Variants in TRIO observed in about 807,000 individuals in gnomAD.
TRIO encodes triple functional domain protein.
TRIO carries 58 observed loss-of-function variants against 351.9 expected under a neutral mutation model. That is an observed-to-expected ratio of 0.16 (90% CI 0.13 to 0.21). The LOEUF (loss-of-function observed/expected upper bound fraction) is 0.21. Among genes scored for constraint, TRIO ranks in the 10% least tolerant of loss-of-function variants. The pLI is 1.00. For missense variants in TRIO, 3,201 were observed against 4,027.8 expected, an observed-to-expected ratio of 0.79 and a Z score of 5.56; for synonymous variants, 1,758 against 1,595.7, an observed-to-expected ratio of 1.10 and a Z score of -2.42.
At chr5:14,390,360 G>C in intron 26 of TRIO, 60 bp downstream of exon 26, 1 of 1,502,330 alleles carries the variant, frequency 6.7e-7, no homozygotes, top group Non-Finnish European at 9.2e-7. Context: ...AAGGAAGTTA[G>C]GAGGGATGGT....
At chr5:14,187,608 A>AT (rs750839736) in intron 1 of TRIO, among the ~76,000 whole-genome samples, 1 of 152,298 alleles carries the variant, frequency 6.6e-6, no homozygotes. Context: ...CTGTTTGTAG[A>AT]TTTTTGAACT....
In TRIO at chr5:14,143,700, G is replaced by T; in HGVS notation, c.-26G>T. ...GCTAGGGGCGCGGGGCCCGAGGCGG[G>T]CGCGGCCGCGGGCGCCGCCGCAGCC... On this transcript the variant is annotated 5_prime_UTR_variant, in exon 1 of 57. Coordinates refer to ENST00000344204, the MANE Select transcript of TRIO (RefSeq NM_007118.4). The T allele has an allele frequency of 1.0e-6, 1 of 973,546 alleles. No homozygotes were observed. The allele number at this position is 973,546 out of a possible 1,614,324, so 60.3% of individuals were successfully genotyped here. A position where few individuals can be genotyped will look rare whatever the true frequency, so the allele number is the denominator to read the frequency against.
intron 34 of TRIO, among the ~76,000 whole-genome samples, chr5:14,443,406 T>C (rs901795144): frequency 2.0e-5 from 3 of 152,242 alleles, no homozygotes; most frequent in African/African-American, 7.2e-5. Flanking sequence ...AATGCTGTTA[T>C]ATCAGAGTGA....
At chr5:14,484,365 G>A (rs1474950040) in intron 46 of TRIO, among the ~76,000 whole-genome samples, 1 of 152,188 alleles carries the variant, frequency 6.6e-6, no homozygotes, top group East Asian at 1.9e-4. Context: ...AGAGGGGTTT[G>A]GGAAACAGGT....
Position 14,461,308 on chromosome 5 carries a change from G to A in TRIO, c.5493G>A (p.Glu1831=). The A allele has an allele frequency of 1.9e-6, 3 of 1,570,820 alleles. No homozygotes were observed. Among genetic ancestry groups the A allele is most frequent in the South Asian group, 1.2e-5 (1 of 85,322 alleles). ...CCACCCCGCAGGACGAGACGGTCGA[G>A]GAGGTGAGGCTCTGCCCGCTGGTTG... ...SAATPQDETV[E]ERGRNEGLSS... The change falls in exon 35 of 57, where the codon GAG becomes GAA. Residue 1831 remains glutamate, a synonymous_variant. Transcript: ENST00000344204.
intron 33 of TRIO, among the ~76,000 whole-genome samples, chr5:14,413,036 T>G (rs1258380303): frequency 6.6e-6 from 1 of 152,226 alleles, no homozygotes; most frequent in Non-Finnish European, 1.5e-5. Context: ...AGTTTCTGTG[T>G]CTCCGTTATA....
At chr5:14,308,944 C>G (rs1738653322) in intron 8 of TRIO, among the ~76,000 whole-genome samples, 1 of 151,906 alleles carries the variant, frequency 6.6e-6, no homozygotes, top group African/African-American at 2.4e-5. Flanking sequence ...CCCAGTCACC[C>G]AACCACCTAT....
intron 1 of TRIO, among the ~76,000 whole-genome samples, chr5:14,155,671 T>G (rs943061133): frequency 1.3e-5 from 2 of 152,244 alleles, no homozygotes; most frequent in African/African-American, 4.8e-5. Context: ...AAATTCAGGC[T>G]GTGCATTTTT....
intron 1 of TRIO, among the ~76,000 whole-genome samples, chr5:14,228,719 CCTTA>C (rs1793205058): frequency 6.6e-6 from 1 of 152,056 alleles, no homozygotes; most frequent in South Asian, 2.1e-4. Flanking sequence ...CTTTTTAGAA[CCTTA>C]CTTGTTAGAA....
chr5:14,262,273 G>A (rs1053342093), intron 1 of TRIO, among the ~76,000 whole-genome samples: 1 of 152,048 alleles, frequency 6.6e-6, no homozygotes, highest in African/African-American at 2.4e-5. Flanking sequence ...TAGTTGAGCA[G>A]TGGGGACTCC....
chr5:14,325,092 C>T lies in TRIO; in HGVS notation c.1732-5686C>T, dbSNP rs1012418515. 4.6e-5 allele frequency among the ~76,000 whole-genome samples: 7 copies of T among 152,184 alleles called. 1 individual carries two copies. In the South Asian group the frequency reaches 1.4e-3, roughly 31 times the overall value. ...TGATGGCAATGATGCGATGCATGAC[C>T]ATGATAGAAAACCATTCTAGGAAGT... On this transcript the variant is annotated intron_variant, in intron 9 of 56. Coordinates refer to ENST00000344204, the MANE Select transcript of TRIO (RefSeq NM_007118.4).
At chr5:14,349,813 T>C (rs1225405871) in intron 11 of TRIO, among the ~76,000 whole-genome samples, 1 of 152,222 alleles carries the variant, frequency 6.6e-6, no homozygotes, top group Non-Finnish European at 1.5e-5. Context: ...GTACAGATTA[T>C]TTCTTCACCA....
In TRIO at chr5:14,498,930, G is replaced by A. The variant is rs189358140; in HGVS notation, c.8332+290G>A. On this transcript the variant is annotated intron_variant, in intron 53 of 56. Transcript: ENST00000344204. ...AAGGCCTCTGGCTGCCCACCATGGG[G>A]CACCAGGGCCCCCCACGACCAGCTT... 16 of 328,824 alleles carry A rather than the reference G, an allele frequency of 4.9e-5. No individual in the cohort carries two copies. The East Asian group carries it at 8.5e-4, about 17-fold the overall frequency. The allele number at this position is 328,824 out of a possible 1,614,324, so 20.4% of individuals were successfully genotyped here.
chr5:14,149,624 G>A (rs1398209064), intron 1 of TRIO, among the ~76,000 whole-genome samples: 1 of 152,136 alleles, frequency 6.6e-6, no homozygotes, highest in African/African-American at 2.4e-5. Flanking sequence ...GCCATTTGAT[G>A]GCAGAGGGGC....
At chr5:14,242,042 C>T (rs1324279752) in intron 1 of TRIO, among the ~76,000 whole-genome samples, 2 of 152,232 alleles carry the variant, frequency 1.3e-5, no homozygotes, top group African/African-American at 4.8e-5. Context: ...TGTATCAACT[C>T]TCATCCTTAC....
In TRIO at chr5:14,397,187, A is replaced by G. The variant is rs369777079; in HGVS notation, c.4423+33A>G. ...ACCCTCCATACCCCAGTGTGCATCTATGCAGTTTCTAATGACACTGTTTGT... is the reference window on the plus strand; with the variant it reads ...ACCCTCCATACCCCAGTGTGCATCTGTGCAGTTTCTAATGACACTGTTTGT... On this transcript the variant is annotated intron_variant, in intron 29 of 56. Transcript: ENST00000344204. The G allele has an allele frequency of 2.4e-4, 361 of 1,531,784 alleles. 1 individual carries two copies. Among genetic ancestry groups the G allele is most frequent in the South Asian group, 5.6e-4 (47 of 83,618 alleles). 94.9% of individuals were successfully genotyped at this position (1,531,784 alleles called of 1,614,324 possible). A position where few individuals can be genotyped will look rare whatever the true frequency, so the allele number is the denominator to read the frequency against.
chr5:14,451,186 C>T (rs79424108), intron 34 of TRIO, among the ~76,000 whole-genome samples: 1,584 of 152,208 alleles, frequency 0.01, 14 homozygotes, highest in African/African-American at 0.036. Context: ...TATGCATTGC[C>T]CAGGGGATGA....
chr5:14,452,511 C>T (rs189961667), intron 34 of TRIO, among the ~76,000 whole-genome samples: 10 of 152,340 alleles, frequency 6.6e-5, no homozygotes, highest in South Asian at 2.1e-4. Context: ...AACCCCGGCC[C>T]GGTGGCCTTG....
chr5:14,488,118 C>T lies in TRIO; in HGVS notation c.7490C>T (p.Pro2497Leu), dbSNP rs575340932. ...ATCCCCGCCTCCCCCGCCAGCCGAC[C>T]CGGCTCCTTCACCTTCCCGGGGGAC... is the stretch of plus-strand genomic sequence containing the variant. ...SSIPASPASR[P>L]GSFTFPGDSD... Residue 2497 changes from proline to leucine, a missense_variant, in exon 48 of 57, where the codon CCC (proline) becomes CTC (leucine). By Grantham distance (98) the Pro-to-Leu change is moderately conservative. Transcript: ENST00000344204. 98 of 1,609,696 alleles carry T rather than the reference C, an allele frequency of 6.1e-5. 1 individual carries two copies. The African/African-American group carries it at 1.1e-3, about 18-fold the overall frequency.
Sources: allele counts gnomAD v4.1 joint callset (sites outside exome capture counted in the v4.1 genomes callset), GRCh38; gene constraint gnomAD v4.1.1; transcripts MANE v1.5; gene names NCBI Gene and HGNC (gene_info 2026-07-23, HGNC 2026-07-21).